The following VSNL1 variants were observed in gnomAD, a reference collection of about 807,000 sequenced individuals.
VSNL1 encodes visinin-like protein 1.
In VSNL1, 6 loss-of-function variants were observed where a neutral mutation model predicts 20.4. That is an observed-to-expected ratio of 0.29 (90% CI 0.16 to 0.58). VSNL1 has a LOEUF of 0.58. Among genes scored for constraint, VSNL1 ranks in the 20% least tolerant of loss-of-function variants. VSNL1 has a pLI of 0.90. For missense variants in VSNL1, 100 were observed against 234.5 expected (o/e 0.43, Z 3.75); for synonymous variants, 93 against 86.4 (o/e 1.08, Z -0.42).
chr2:17,565,718 T>C (rs1663921362), intron 1 of VSNL1, among the ~76,000 whole-genome samples: 1 of 152,220 alleles, frequency 6.6e-6, no homozygotes, highest in Non-Finnish European at 1.5e-5. Context: ...GTTCATGTAA[T>C]ATTATTCATT....
intron 1 of VSNL1, among the ~76,000 whole-genome samples, chr2:17,578,606 A>G (rs1285911655): frequency 6.6e-6 from 1 of 152,204 alleles, no homozygotes; most frequent in Non-Finnish European, 1.5e-5. Flanking sequence ...CCTTCAGCAC[A>G]TGCTACCTGT....
intron 2 of VSNL1, among the ~76,000 whole-genome samples, chr2:17,635,527 G>A (rs1235303616): frequency 1.3e-5 from 2 of 152,132 alleles, no homozygotes; most frequent in Non-Finnish European, 2.9e-5. Flanking sequence ...CTCATGTAGC[G>A]TCGAGGCAAA....
intron 2 of VSNL1, among the ~76,000 whole-genome samples, chr2:17,644,006 T>C (rs1433017450): frequency 6.6e-6 from 1 of 152,152 alleles, no homozygotes; most frequent in Non-Finnish European, 1.5e-5. Flanking sequence ...TGAGAACAAT[T>C]AGATGCTATT....
At chr2:17,598,170 C>T (rs1444254026) in intron 2 of VSNL1, among the ~76,000 whole-genome samples, 1 of 151,940 alleles carries the variant, frequency 6.6e-6, no homozygotes, top group Non-Finnish European at 1.5e-5. Context: ...TAAATTGTGC[C>T]CCTGGGCTTA....
intron 1 of VSNL1, among the ~76,000 whole-genome samples, chr2:17,560,730 G>A (rs62131512): frequency 0.028 from 4,282 of 152,196 alleles, 59 homozygotes; most frequent in Middle Eastern, 0.054. Flanking sequence ...TAAAATAATA[G>A]GGATATTTGA....
intron 1 of VSNL1, among the ~76,000 whole-genome samples, chr2:17,589,622 A>G (rs1456283596): frequency 6.6e-6 from 1 of 152,220 alleles, no homozygotes; most frequent in East Asian, 1.9e-4. Context: ...GAAGTTATGC[A>G]CTTGAGTCTC....
At chr2:17,545,286 C>T (rs1227002558) in intron 1 of VSNL1, among the ~76,000 whole-genome samples, 2 of 151,942 alleles carry the variant, frequency 1.3e-5, no homozygotes, top group Non-Finnish European at 2.9e-5. Flanking sequence ...TTATTTTATA[C>T]TTGAATGACA....
chr2:17,649,770 C>A lies in VSNL1; in HGVS notation c.378+145C>A, dbSNP rs139882281. 8 of 793,016 alleles carry A rather than the reference C, an allele frequency of 1.0e-5. No homozygotes were observed. The East Asian group carries it at 1.9e-4, about 19-fold the overall frequency. 49.1% of individuals were successfully genotyped at this position (793,016 alleles called of 1,614,324 possible). ...ACGCCTGGACTTCTCCTGCTTCTGT[C>A]CCCGCTGCAGCACAGTGCTGGGGAG... On this transcript the variant is annotated intron_variant, in intron 3 of 3. Transcript: ENST00000295156. This position sits in a 1 kb window ranked among gnomAD's most constrained non-coding sequence, Gnocchi z 6.4.
intron 2 of VSNL1, among the ~76,000 whole-genome samples, chr2:17,628,436 T>C (rs1364147135): frequency 2.0e-5 from 3 of 152,248 alleles, no homozygotes; most frequent in African/African-American, 7.2e-5. Flanking sequence ...GAGTCTACAC[T>C]GTTTCCACTA....
At chr2:17,642,249 C>T (rs1665895989) in intron 2 of VSNL1, among the ~76,000 whole-genome samples, 1 of 147,588 alleles carries the variant, frequency 6.8e-6, no homozygotes, top group Non-Finnish European at 1.5e-5. Context: ...CAATGAAGAA[C>T]AAAATATAAT....
chr2:17,633,348 C>CAAAAAAAAAAAAAAAAAA (rs10706048), intron 2 of VSNL1, among the ~76,000 whole-genome samples: 3 of 50,538 alleles, frequency 5.9e-5, no homozygotes, highest in Non-Finnish European at 7.4e-5. Flanking sequence ...ACTAAAAATA[C>CAAAAAAAAAAAAAAAAAA]AAAAAAAAAA....
chr2:17,547,537 G>T (rs1444037353), intron 1 of VSNL1, among the ~76,000 whole-genome samples: 2 of 152,012 alleles, frequency 1.3e-5, no homozygotes, highest in African/African-American at 4.8e-5. Context: ...ACAAAATTAA[G>T]TAAGATACAA....
At chr2:17,588,283 A>G (rs1021905110) in intron 1 of VSNL1, among the ~76,000 whole-genome samples, 1 of 152,176 alleles carries the variant, frequency 6.6e-6, no homozygotes, top group African/African-American at 2.4e-5. Context: ...ATATTTTCAT[A>G]TTTACAAAAC....
chr2:17,645,751 T>G (rs1354661708), intron 2 of VSNL1, among the ~76,000 whole-genome samples: 1 of 152,202 alleles, frequency 6.6e-6, no homozygotes, highest in Non-Finnish European at 1.5e-5. Context: ...CAAAGACTCC[T>G]GTTGTCTGCC....
intron 2 of VSNL1, among the ~76,000 whole-genome samples, chr2:17,638,574 C>G (rs1665811525): frequency 6.6e-6 from 1 of 152,174 alleles, no homozygotes; most frequent in African/African-American, 2.4e-5. Flanking sequence ...GCCTGCTCCT[C>G]CTTCCCACGC....
In VSNL1 at chr2:17,649,293, A is replaced by C; in HGVS notation, c.163-117A>C. 2 of 1,008,342 alleles carry C rather than the reference A, an allele frequency of 2.0e-6. No homozygotes were observed. The highest frequency in any genetic ancestry group is 3.0e-6 in the Non-Finnish European group (2 of 657,178). The allele number at this position is 1,008,342 out of a possible 1,614,324, so 62.5% of individuals were successfully genotyped here. A position where few individuals can be genotyped will look rare whatever the true frequency, so the allele number is the denominator to read the frequency against. On this transcript the variant is annotated intron_variant, in intron 2 of 3. Transcript: ENST00000295156. The surrounding 1 kb of genome is among the most constrained non-coding windows in gnomAD (Gnocchi z 6.4). ...TGACAGTCAGGCCAAACTGCTCTCC[A>C]ATGGGTGAGGCTCCGACAACGCCCA... is the stretch of plus-strand genomic sequence containing the variant.
At chr2:17,603,122 G>C (rs895817871) in intron 2 of VSNL1, among the ~76,000 whole-genome samples, 5 of 152,234 alleles carry the variant, frequency 3.3e-5, no homozygotes, top group African/African-American at 1.2e-4. Flanking sequence ...TAGCTGCAAG[G>C]ATGTCATTCC....
chr2:17,613,531 T>C (rs1170949157), intron 2 of VSNL1, among the ~76,000 whole-genome samples: 2 of 152,170 alleles, frequency 1.3e-5, no homozygotes, highest in Admixed American at 1.3e-4. Flanking sequence ...GTTTCCCTTC[T>C]CTGGGCCTGT....
intron 1 of VSNL1, among the ~76,000 whole-genome samples, chr2:17,573,990 C>G (rs190882488): frequency 2.1e-3 from 319 of 152,326 alleles, no homozygotes; most frequent in African/African-American, 7.1e-3. Context: ...TTCTCAAAAG[C>G]CAAACATGCG....
Sources: gnomAD v4.1 joint callset for allele counts (sites outside exome capture counted in the v4.1 genomes callset) on GRCh38, gnomAD v4.1.1 for gene constraint, Gnocchi (gnomAD v3.1) non-coding constraint, MANE v1.5 for transcripts, NCBI Gene and HGNC (gene_info 2026-07-23, HGNC 2026-07-21) for gene names.